Variants in DLG5 observed in about 807,000 individuals in gnomAD.
DLG5 encodes disks large homolog 5.
DLG5 carries 48 observed loss-of-function variants against 189.8 expected under a neutral mutation model. The observed-to-expected ratio is 0.25, with a 90% CI of 0.20 to 0.32. The LOEUF (loss-of-function observed/expected upper bound fraction) is 0.32, where lower values mean the gene tolerates loss of function less well. DLG5 is among the 10% of genes least tolerant of loss of function. The probability of loss-of-function intolerance (pLI) is 1.00; values close to 1 mark genes in which losing one functional copy is unlikely to be tolerated. For missense variants in DLG5, 2,160 were observed against 2,544.7 expected, an observed-to-expected ratio of 0.85 and a Z score of 3.25; for synonymous variants, 1,016 against 1,054.1, an observed-to-expected ratio of 0.96 and a Z score of 0.70.
At chr10:77,808,003 C>A in intron 24 of DLG5, 59 bp from the exon 25 acceptor site, 1 of 1,600,994 alleles carries the variant, frequency 6.2e-7, no homozygotes, top group Non-Finnish European at 8.5e-7. Context: ...GCTTGGGCAC[C>A]CGAGAGGGGC....
At chr10:77,880,195 T>C (rs1845233587) in intron 1 of DLG5, among the ~76,000 whole-genome samples, 1 of 152,154 alleles carries the variant, frequency 6.6e-6, no homozygotes, top group Non-Finnish European at 1.5e-5. Context: ...GGCTCACACC[T>C]GTAATCCTAG....
In DLG5 at chr10:77,821,242, C is replaced by T. The variant is rs1344250876; in HGVS notation, c.3242G>A (p.Gly1081Glu). Residue 1081 changes from glycine (G) to glutamate (E), a missense_variant, in exon 15 of 32, where the codon GGA (glycine) becomes GAA (glutamate). By Grantham distance (98) the Gly-to-Glu change is moderately conservative. Coordinates refer to ENST00000372391, the MANE Select transcript of DLG5 (RefSeq NM_004747.4). ...CGGCAGGTGGGAGGAGTCCCCATCT[C>T]CTTCAGGGTAGTAGCTGGAAGCAAT... is the stretch of plus-strand genomic sequence containing the variant. ...VRIASSYYPE[G>E]DGDSSHLPAK... 6.2e-6 allele frequency: 10 copies of T among 1,614,060 alleles called. No homozygotes were observed. The highest frequency in any genetic ancestry group is 7.6e-6 in the Non-Finnish European group (9 of 1,180,048).
At chr10:77,816,896 T>A (rs1842083249) in intron 19 of DLG5, 111 bp downstream of exon 19, 1 of 1,425,732 alleles carries the variant, frequency 7.0e-7, no homozygotes. Flanking sequence ...AGTGAATTTT[T>A]ACTGACTGAC....
intron 5 of DLG5, chr10:77,845,526 A>C (rs2154576431): frequency 6.6e-6 from 1 of 152,324 alleles, no homozygotes; most frequent in South Asian, 2.1e-4. Context: ...TCTTCCTCTA[A>C]GACCTAAGCA....
intron 1 of DLG5, among the ~76,000 whole-genome samples, chr10:77,898,141 G>A (rs756862432): frequency 9.2e-5 from 14 of 152,132 alleles, no homozygotes; most frequent in African/African-American, 1.7e-4. Flanking sequence ...CTCCATCAGC[G>A]CAGGTGACCA....
intron 1 of DLG5, among the ~76,000 whole-genome samples, chr10:77,892,332 T>C (rs1845634244): frequency 6.6e-6 from 1 of 152,192 alleles, no homozygotes; most frequent in Admixed American, 6.5e-5. Context: ...AGGTGGCCCA[T>C]TAGAAAGTGA....
At chr10:77,914,709 C>G in intron 1 of DLG5, among the ~76,000 whole-genome samples, 1 of 152,094 alleles carries the variant, frequency 6.6e-6, no homozygotes, top group East Asian at 1.9e-4. Flanking sequence ...ACCACCTTCC[C>G]CACCTCCTAG....
intron 1 of DLG5, among the ~76,000 whole-genome samples, chr10:77,908,059 G>T (rs1025146499): frequency 1.3e-5 from 2 of 152,106 alleles, no homozygotes; most frequent in Non-Finnish European, 2.9e-5. Flanking sequence ...AGGGAGTCAC[G>T]GATCCCACTG....
chr10:77,808,371 A>T (rs1841584377), intron 24 of DLG5, among the ~76,000 whole-genome samples: 1 of 152,054 alleles, frequency 6.6e-6, no homozygotes, highest in Non-Finnish European at 1.5e-5. Context: ...GGCTCAAGTG[A>T]TCCTCCCACC....
intron 5 of DLG5, among the ~76,000 whole-genome samples, chr10:77,846,978 G>A (rs1362022868): frequency 2.0e-5 from 3 of 152,128 alleles, no homozygotes; most frequent in Admixed American, 6.6e-5. Flanking sequence ...ACAAGTGCTC[G>A]GCAGAATCAG....
At chr10:77,916,717 T>C (rs1846367994) in intron 1 of DLG5, among the ~76,000 whole-genome samples, 1 of 151,854 alleles carries the variant, frequency 6.6e-6, no homozygotes, top group Non-Finnish European at 1.5e-5. Context: ...TCTCAAAAAA[T>C]TGAACACAGA....
chr10:77,920,217 C>T (rs1408163460), intron 1 of DLG5, among the ~76,000 whole-genome samples: 1 of 152,152 alleles, frequency 6.6e-6, no homozygotes, highest in Non-Finnish European at 1.5e-5. Flanking sequence ...TAACAAAATG[C>T]TCTTCCATTT....
intron 2 of DLG5, chr10:77,866,987 A>T (rs1204665748): frequency 4.4e-6 from 2 of 457,214 alleles, no homozygotes; most frequent in African/African-American, 4.0e-5. Flanking sequence ...AGACACAGAC[A>T]GTACAGACCC....
Position 77,856,758 on chromosome 10 carries a change from C to T in DLG5, c.508G>A (p.Ala170Thr). ...TTGTCAAAGGCCGTGCCATGCGTAG[C>T]AAAGGCCAGGCGCTTGCGGAGCTCG... Reference protein sequence around the residue: ...RNELRKRLAFATHGTAFDKRP... With the variant: ...RNELRKRLAFTTHGTAFDKRP... The change falls in exon 3 of 32, where the codon GCT becomes ACT. Residue 170 changes from alanine to threonine, a missense_variant. Physicochemically the swap from Ala to Thr is moderately conservative, Grantham distance 58 (BLOSUM62 0). Coordinates refer to ENST00000372391, the MANE Select transcript of DLG5 (RefSeq NM_004747.4). 1 of 1,613,540 alleles carries T rather than the reference C, an allele frequency of 6.2e-7. No individual in the cohort carries two copies.
intron 11 of DLG5, 58 bp from the exon 12 acceptor site, chr10:77,829,588 G>A (rs1005941638): frequency 1.3e-5 from 20 of 1,528,536 alleles, no homozygotes; most frequent in Middle Eastern, 1.8e-4. Flanking sequence ...AGCGGCTACC[G>A]CCCACAACTC....
chr10:77,933,723 TA>T, the DLG5 span, among the ~76,000 whole-genome samples: 11 of 137,772 alleles, frequency 8.0e-5, no homozygotes, highest in South Asian at 2.3e-4. Flanking sequence ...GACTCTGCCT[TA>T]AAAAAAAAAA....
intron 2 of DLG5, among the ~76,000 whole-genome samples, chr10:77,857,773 A>G (rs1844307145): frequency 6.6e-6 from 1 of 152,206 alleles, no homozygotes; most frequent in Non-Finnish European, 1.5e-5. Flanking sequence ...TGTCTACCTG[A>G]TATCTCAATC....
intron 3 of DLG5, among the ~76,000 whole-genome samples, chr10:77,856,373 T>A (rs1844225918): frequency 6.6e-6 from 1 of 152,012 alleles, no homozygotes; most frequent in South Asian, 2.1e-4. Context: ...AAAACACATG[T>A]GTGACAGGGA....
At chr10:77,807,968 A>C (rs1353380663) in intron 24 of DLG5, 24 bp from the exon 25 acceptor site, 1 of 1,613,270 alleles carries the variant, frequency 6.2e-7, no homozygotes, top group South Asian at 1.1e-5. Flanking sequence ...GGGTGGATGC[A>C]TCAGAAGGCA....
Sources: allele counts gnomAD v4.1 joint callset (sites outside exome capture counted in the v4.1 genomes callset), GRCh38; gene constraint gnomAD v4.1.1; transcripts MANE v1.5; gene names NCBI Gene and HGNC (gene_info 2026-07-23, HGNC 2026-07-21).